The following PAX5 variants were observed in gnomAD, a reference collection of about 807,000 sequenced individuals.
PAX5 encodes paired box protein Pax-5.
In PAX5, 9 loss-of-function variants were observed where a neutral mutation model predicts 43.7. The observed-to-expected ratio is 0.21, with a 90% CI of 0.12 to 0.36. The LOEUF (loss-of-function observed/expected upper bound fraction) is 0.36, where lower values mean the gene tolerates loss of function less well. Ranked by LOEUF, PAX5 falls within the 10% of genes least tolerant of loss-of-function variation. The pLI is 1.00. For synonymous variants in PAX5, 228 were observed against 214.3 expected (o/e 1.06, Z -0.56); for missense variants, 383 against 532.7 (o/e 0.72, Z 2.77).
intron 8 of PAX5, among the ~76,000 whole-genome samples, chr9:36,848,350 CCACA>C (rs55793420): frequency 1.2e-3 from 158 of 136,462 alleles, no homozygotes; most frequent in African/African-American, 4.1e-3. Flanking sequence ...CAGAGCGTGT[CCACA>C]CACACACACA....
intron 1 of PAX5, among the ~76,000 whole-genome samples, chr9:37,031,705 T>G (rs1372271485): frequency 6.6e-6 from 1 of 152,122 alleles, no homozygotes; most frequent in African/African-American, 2.4e-5. Flanking sequence ...TGAGTTTCCT[T>G]TCCCTACAGC....
chr9:36,964,522 G>A (rs915568893), intron 6 of PAX5, among the ~76,000 whole-genome samples: 9 of 151,372 alleles, frequency 5.9e-5, no homozygotes, highest in African/African-American at 2.2e-4. Context: ...AACCTAGGAG[G>A]TGGAGGTTGC....
intron 6 of PAX5, among the ~76,000 whole-genome samples, chr9:36,925,102 A>T (rs1477588920): frequency 1.3e-5 from 2 of 152,110 alleles, no homozygotes; most frequent in Non-Finnish European, 2.9e-5. Context: ...TGGCAGGCAG[A>T]AGGGGCTGGG....
chr9:36,882,204 G>A lies in PAX5; in HGVS notation c.911-99C>T. 2 of 958,142 alleles carry A rather than the reference G, an allele frequency of 2.1e-6. No homozygotes were observed. Among genetic ancestry groups the A allele is most frequent in the African/African-American group, 1.6e-5 (1 of 60,688 alleles). 59.4% of individuals were successfully genotyped at this position (958,142 alleles called of 1,614,324 possible). A position where few individuals can be genotyped will look rare whatever the true frequency, so the allele number is the denominator to read the frequency against. ...CGCTTCTGCACATTTGTCACGTTTG[G>A]ACGCTGAACGGCAATGTGCCCCCAG... On this transcript the variant is annotated intron_variant, in intron 7 of 9. Coordinates refer to ENST00000358127, the MANE Select transcript of PAX5 (RefSeq NM_016734.3). This position sits in a 1 kb window ranked among gnomAD's most constrained non-coding sequence, Gnocchi z 4.4.
rs576653546 is a variant in PAX5, at chr9:37,034,098, C to CTTTTTTTTTTTTTTTTTTTTTTTTT, written c.-92_-68dup. ...TCCACTTTTTTGTGCCTTTTTTTTTCTTTTTTTTTTTTTTTTTTTTTTTTT... is the reference window on the plus strand; with the variant it reads ...TCCACTTTTTTGTGCCTTTTTTTTTCTTTTTTTTTTTTTTTTTTTTTTTTTTTTTTTTTTTTTTTTTTTTTTTTTT... On this transcript the variant is annotated 5_prime_UTR_variant, in exon 1 of 10. Coordinates refer to ENST00000358127, the MANE Select transcript of PAX5 (RefSeq NM_016734.3). 2.5e-4 allele frequency: 80 copies of CTTTTTTTTTTTTTTTTTTTTTTTTT among 320,086 alleles called. 7 individuals are homozygous for CTTTTTTTTTTTTTTTTTTTTTTTTT. Among genetic ancestry groups the CTTTTTTTTTTTTTTTTTTTTTTTTT allele is most frequent in the South Asian group, 1.0e-3 (34 of 33,894 alleles). The allele number at this position is 320,086 out of a possible 1,614,324, so 19.8% of individuals were successfully genotyped here.
chr9:36,924,731 AGGTGG>A (rs750623973), intron 6 of PAX5, among the ~76,000 whole-genome samples: 15,093 of 71,390 alleles, frequency 0.21, 2,060 homozygotes, highest in East Asian at 0.3. Context: ...AAAAAGAAAG[AGGTGG>A]AAGGAAGGAA....
intron 6 of PAX5, among the ~76,000 whole-genome samples, chr9:36,934,130 A>G (rs1831358059): frequency 6.6e-6 from 1 of 152,232 alleles, no homozygotes. Context: ...GTCTGGGGCC[A>G]GGAGGACAGA....
chr9:37,008,663 G>A (rs1461462674), intron 3 of PAX5, among the ~76,000 whole-genome samples: 1 of 152,154 alleles, frequency 6.6e-6, no homozygotes, highest in Non-Finnish European at 1.5e-5. Flanking sequence ...CAGGCCATCT[G>A]GAGCCTGGCT....
chr9:36,931,565 A>G (rs1322779917), intron 6 of PAX5, among the ~76,000 whole-genome samples: 1 of 152,092 alleles, frequency 6.6e-6, no homozygotes, highest in Non-Finnish European at 1.5e-5. Context: ...AACAAAAAAC[A>G]TGGCCAGGCG....
intron 8 of PAX5, among the ~76,000 whole-genome samples, chr9:36,869,010 C>A (rs2131693496): frequency 1.3e-5 from 2 of 152,318 alleles, no homozygotes; most frequent in African/African-American, 4.8e-5. Context: ...CATTTGAGAA[C>A]ACTCTCCTTT....
rs183623699 is a variant in PAX5, at chr9:36,966,504, G to A, written c.780+45C>T. On this transcript the variant is annotated intron_variant, in intron 6 of 9. Transcript: ENST00000358127. The stretch of plus-strand genomic sequence containing the variant: ...CTGCCTTCAGGAACCTGGCTGGGCC[G>A]GTGTGGCGGTGGCAGGTGTGGTGGG... The A allele has an allele frequency of 0.013, 20,845 of 1,585,322 alleles. 153 individuals carry two copies. Among genetic ancestry groups the A allele is most frequent in the Non-Finnish European group, 0.016 (18,463 of 1,159,854 alleles).
chr9:36,941,339 T>C (rs117445888), intron 6 of PAX5, among the ~76,000 whole-genome samples: 619 of 152,340 alleles, frequency 4.1e-3, no homozygotes, highest in East Asian at 0.012. Flanking sequence ...TTGCTATCTA[T>C]TCTTTTTACT....
chr9:36,845,833 G>C (rs1587733824), intron 9 of PAX5, among the ~76,000 whole-genome samples: 1 of 152,238 alleles, frequency 6.6e-6, no homozygotes, highest in South Asian at 2.1e-4. Flanking sequence ...GATGAAGCCT[G>C]TTTCTCAGTC....
chr9:36,989,112 G>A (rs1836715092), intron 5 of PAX5, among the ~76,000 whole-genome samples: 1 of 152,188 alleles, frequency 6.6e-6, no homozygotes, highest in African/African-American at 2.4e-5. Flanking sequence ...AGCAGTGTTA[G>A]GAAAGCTTCA....
rs1838031146 is a variant in PAX5, at chr9:37,002,910, T to C, written c.476-134A>G. 5.3e-6 allele frequency: 6 copies of C among 1,131,242 alleles called. No individual in the cohort carries two copies. The Admixed American group carries it at 1.3e-4, about 25-fold the overall frequency. 70.1% of individuals were successfully genotyped at this position (1,131,242 alleles called of 1,614,324 possible). On this transcript the variant is annotated intron_variant, in intron 4 of 9. Transcript: ENST00000358127. The stretch of plus-strand genomic sequence containing the variant: ...GGCAGGGGGCGCTGAGGACCCTCGC[T>C]CTGCGGAGGCGGCCACACCTGAGCC...
chr9:36,923,205 C>T (rs1440931175), intron 7 of PAX5, 150 bp downstream of exon 7: 1 of 882,418 alleles, frequency 1.1e-6, no homozygotes, highest in East Asian at 2.5e-5. Flanking sequence ...ACCCTGGCCC[C>T]AGCACCTGAC....
chr9:36,841,561 A>G (rs1587721923), intron 9 of PAX5, among the ~76,000 whole-genome samples: 3 of 152,044 alleles, frequency 2.0e-5, no homozygotes, highest in Admixed American at 1.3e-4. Flanking sequence ...CACTTCCCCC[A>G]TCCCCAGATG....
At chr9:37,030,569 G>A (rs138958407) in intron 1 of PAX5, among the ~76,000 whole-genome samples, 178 of 152,318 alleles carry the variant, frequency 1.2e-3, no homozygotes, top group African/African-American at 4.2e-3. Flanking sequence ...GCTTTGGGCC[G>A]GGCCCTGTGC....
intron 5 of PAX5, among the ~76,000 whole-genome samples, chr9:36,973,928 A>G (rs1835205859): frequency 6.6e-6 from 1 of 152,210 alleles, no homozygotes; most frequent in African/African-American, 2.4e-5. Context: ...TGAACGTAGG[A>G]GGCGGAGGTT....
Sources: gnomAD v4.1 joint callset for allele counts (sites outside exome capture counted in the v4.1 genomes callset) on GRCh38, gnomAD v4.1.1 for gene constraint, Gnocchi (gnomAD v3.1) non-coding constraint, MANE v1.5 for transcripts, NCBI Gene and HGNC (gene_info 2026-07-23, HGNC 2026-07-21) for gene names.